Variants in CYFIP2 observed in about 807,000 individuals in gnomAD.
CYFIP2 encodes cytoplasmic FMR1-interacting protein 2.
A neutral mutation model predicts 158.7 loss-of-function variants in CYFIP2; 29 were observed. The ratio of observed to expected loss-of-function variants is 0.18; its 90% CI spans 0.14 to 0.25. The LOEUF (loss-of-function observed/expected upper bound fraction) is 0.25. Ranked by LOEUF, CYFIP2 falls within the 10% of genes least tolerant of loss-of-function variation. The pLI is 1.00. For synonymous variants in CYFIP2, 585 were observed against 617.6 expected (o/e 0.95, Z 0.78); for missense variants, 852 against 1,639.5 (o/e 0.52, Z 8.29).
rs1383552184 is a variant in CYFIP2 at position 157,395,543 on chromosome 5, G to A, written c.*2543G>A. 1.9e-6 allele frequency: 2 copies of A among 1,078,316 alleles called. No individual in the cohort carries two copies. The highest frequency in any genetic ancestry group is 2.5e-6 in the Non-Finnish European group (2 of 796,902). The allele number at this position is 1,078,316 out of a possible 1,614,324, so 66.8% of individuals were successfully genotyped here. A position where few individuals can be genotyped will look rare whatever the true frequency, so the allele number is the denominator to read the frequency against. ...TGTATTTTGGGGGTACCTGTGTTGA[G>A]TTGATAAACATTTCCATCTTCATTA... is the stretch of plus-strand genomic sequence containing the variant. On this transcript the variant is annotated 3_prime_UTR_variant, in exon 31 of 31. Transcript: ENST00000620254.
At chr5:157,343,379 T>C in intron 23 of CYFIP2, 1 of 1,614,186 alleles carries the variant, frequency 6.2e-7, no homozygotes, top group South Asian at 1.1e-5. Flanking sequence ...TCGAGGCACC[T>C]TCTCCTCGTG....
At chr5:157,317,190 C>T (rs1321201353) in intron 13 of CYFIP2, among the ~76,000 whole-genome samples, 1 of 152,176 alleles carries the variant, frequency 6.6e-6, no homozygotes, top group Non-Finnish European at 1.5e-5. Context: ...AGCACAACCA[C>T]CAAGAACATG....
intron 9 of CYFIP2, among the ~76,000 whole-genome samples, chr5:157,308,449 A>T (rs1170107705): frequency 2.0e-5 from 3 of 152,184 alleles, no homozygotes; most frequent in Non-Finnish European, 2.9e-5. Flanking sequence ...ATCTTTAAAA[A>T]TTTGCAGTTA....
chr5:157,373,645 G>T (rs921503828), intron 26 of CYFIP2, among the ~76,000 whole-genome samples: 1 of 152,172 alleles, frequency 6.6e-6, no homozygotes, highest in Non-Finnish European at 1.5e-5. Context: ...AATCCAGATA[G>T]AAGCTTTGTA....
chr5:157,325,660 G>A (rs759012431), intron 17 of CYFIP2, 22 bp downstream of exon 17: 6 of 1,576,066 alleles, frequency 3.8e-6, no homozygotes, highest in African/African-American at 1.4e-5. Flanking sequence ...GATTGGGCCA[G>A]CAAGTGGCTC....
rs74925421 is a variant in CYFIP2, at chr5:157,342,633, C to T, written c.2673+1476C>T. 475 of 470,368 alleles carry T rather than the reference C, an allele frequency of 1.0e-3. 5 individuals are homozygous for T. The East Asian group carries it at 0.011, about 11-fold the overall frequency. 29.1% of individuals were successfully genotyped at this position (470,368 alleles called of 1,614,324 possible). A position where few individuals can be genotyped will look rare whatever the true frequency, so the allele number is the denominator to read the frequency against. ...GCTTTCAATTCTTAACTGTGTCCTC[C>T]GAGTGGACGCTGCTGCTGAGATGCC... On this transcript the variant is annotated intron_variant, in intron 23 of 30. Transcript: ENST00000620254.
intron 1 of CYFIP2, chr5:157,276,931 G>A (rs1273752070): frequency 6.6e-6 from 1 of 152,056 alleles, no homozygotes; most frequent in Admixed American, 6.5e-5. Flanking sequence ...TGGCAAAAAA[G>A]AGAATCCCTA....
intron 26 of CYFIP2, among the ~76,000 whole-genome samples, chr5:157,374,791 C>A (rs371357541): frequency 6.6e-6 from 1 of 152,168 alleles, no homozygotes; most frequent in Non-Finnish European, 1.5e-5. Context: ...AATTAAATTG[C>A]GAACTTAATT....
rs759023322 is a variant in CYFIP2, at chr5:157,392,915, A to T, written c.3677A>T (p.Lys1226Met). The T allele has an allele frequency of 1.9e-6, 3 of 1,613,992 alleles. No homozygotes were observed. Among genetic ancestry groups the T allele is most frequent in the Non-Finnish European group, 2.5e-6 (3 of 1,179,884 alleles). ...EVFAILNKYM[K>M]SVETDSSTVE... ...TTTGCCATCCTGAACAAATACATGA[A>T]GTCCGTGGAGACAGACAGTTCCACT... The change falls in exon 31 of 31, where the codon AAG (lysine) becomes ATG (methionine). Residue 1226 changes from lysine to methionine, a missense_variant. By Grantham distance (95) the Lys-to-Met change is moderately conservative. Around this residue, in one of 8 missense-constraint regions of CYFIP2, gnomAD observed 223 missense variants for 381.6 expected, o/e 0.58. Coordinates refer to ENST00000620254, the MANE Select transcript of CYFIP2 (RefSeq NM_001037333.3).
chr5:157,315,615 G>T (rs909547181), intron 13 of CYFIP2, among the ~76,000 whole-genome samples: 1 of 152,220 alleles, frequency 6.6e-6, no homozygotes, highest in Non-Finnish European at 1.5e-5. Context: ...ACCCTTTGGT[G>T]AAGTTCTTCT....
intron 23 of CYFIP2, chr5:157,342,996 C>G: frequency 6.2e-7 from 1 of 1,614,224 alleles, no homozygotes; most frequent in Non-Finnish European, 8.5e-7. Flanking sequence ...GGCATTTCCA[C>G]CAGGGGGAGC....
chr5:157,272,534 A>G (rs557978894), intron 1 of CYFIP2, among the ~76,000 whole-genome samples: 2 of 152,254 alleles, frequency 1.3e-5, no homozygotes, highest in East Asian at 1.9e-4. Flanking sequence ...CTTTTAACTC[A>G]CTGTTTCTTC....
intron 12 of CYFIP2, 41 bp from the exon 13 acceptor site, chr5:157,314,928 C>A: frequency 1.4e-6 from 2 of 1,470,678 alleles, no homozygotes; most frequent in Non-Finnish European, 1.9e-6. Context: ...TTTGTCCGTT[C>A]ATCAGTTGAT....
At position 157,326,314 on chromosome 5, in the gene CYFIP2, T is replaced by C. The variant is rs1254987813; in HGVS notation, c.2079+47T>C. On this transcript the variant is annotated intron_variant, in intron 18 of 30. Coordinates refer to ENST00000620254, the MANE Select transcript of CYFIP2 (RefSeq NM_001037333.3). ...TTGCTCCTTTAATCTTGTTCCAAAT[T>C]CCGGACTTTTCCAGTCTTTTGCTAT... 3.3e-6 allele frequency: 5 copies of C among 1,499,496 alleles called. No individual in the cohort carries two copies. In the South Asian group the frequency reaches 5.7e-5, roughly 17 times the overall value. 92.9% of individuals were successfully genotyped at this position (1,499,496 alleles called of 1,614,324 possible).
rs947342930 is a variant in CYFIP2 at position 157,333,405 on chromosome 5, G to T, written c.2344G>T (p.Ala782Ser). The change falls in exon 21 of 31, where the codon GCT becomes TCT. Residue 782 changes from alanine (A) to serine (S), a missense_variant. This residue lies in a region of CYFIP2 where 191 missense variants were observed against 311.2 expected (regional missense o/e 0.61). Coordinates refer to ENST00000620254, the MANE Select transcript of CYFIP2 (RefSeq NM_001037333.3). ...SAAMYKSLDQ[A>S]ISRFESEDLT... Reference sequence around the variant, plus strand: ...CGCCATGTATAAATCCTTGGACCAAGCTATCAGCCGCTTTGAGAGTGAGGA... The same window carrying T: ...CGCCATGTATAAATCCTTGGACCAATCTATCAGCCGCTTTGAGAGTGAGGA... 7 of 1,613,964 alleles carry T rather than the reference G, an allele frequency of 4.3e-6. No homozygotes were observed. Among genetic ancestry groups the T allele is most frequent in the Non-Finnish European group, 4.2e-6 (5 of 1,179,874 alleles).
intron 5 of CYFIP2, 109 bp from the exon 6 acceptor site, chr5:157,300,606 G>T: frequency 9.9e-7 from 1 of 1,009,084 alleles, no homozygotes; most frequent in Non-Finnish European, 1.3e-6. Flanking sequence ...TTGCCTGGCA[G>T]ATTTGCCTTT....
At chr5:157,369,651 G>A (rs1181473214) in intron 26 of CYFIP2, among the ~76,000 whole-genome samples, 2 of 152,150 alleles carry the variant, frequency 1.3e-5, no homozygotes, top group Non-Finnish European at 2.9e-5. Flanking sequence ...ATGTAGTTCT[G>A]TATCAATGAC....
intron 13 of CYFIP2, among the ~76,000 whole-genome samples, chr5:157,318,327 C>T (rs1760316255): frequency 6.6e-6 from 1 of 152,228 alleles, no homozygotes; most frequent in Admixed American, 6.5e-5. Context: ...TTAGATCCAA[C>T]AGGCCTGCCC....
intron 19 of CYFIP2, among the ~76,000 whole-genome samples, chr5:157,328,529 A>G (rs985277382): frequency 2.0e-5 from 3 of 152,190 alleles, no homozygotes; most frequent in East Asian, 3.8e-4. Flanking sequence ...CAGCATGCCA[A>G]CTTCACAGGG....
Sources: allele counts gnomAD v4.1 joint callset (sites outside exome capture counted in the v4.1 genomes callset), GRCh38; gene constraint gnomAD v4.1.1; regional missense constraint gnomAD v4.1.1; transcripts MANE v1.5; gene names NCBI Gene and HGNC (gene_info 2026-07-23, HGNC 2026-07-21).